The following ACSM5 variants were observed in gnomAD, a reference collection of about 807,000 sequenced individuals.
ACSM5 encodes acyl-coenzyme A synthetase ACSM5, mitochondrial.
A neutral mutation model predicts 71.6 loss-of-function variants in ACSM5; 56 were observed. The observed-to-expected ratio is 0.78, with a 90% CI of 0.63 to 0.98. ACSM5 has a LOEUF of 0.98. Among genes scored for constraint, ACSM5 ranks in the 50% least tolerant of loss-of-function variants. ACSM5 has a pLI of 0.00. For synonymous variants in ACSM5, 285 were observed against 281.5 expected, an observed-to-expected ratio of 1.01 and a Z score of -0.12; for missense variants, 723 against 726.0, an observed-to-expected ratio of 1.00 and a Z score of 0.05.
rs1273180266 is a variant in ACSM5, at chr16:20,421,652, TATATAC to T, written c.767+253_767+258del. 2.5e-4 allele frequency among the ~76,000 whole-genome samples: 23 copies of T among 91,690 alleles called. No individual in the cohort carries two copies. In the South Asian group the frequency reaches 2.9e-3, roughly 11 times the overall value. 60.2% of individuals were successfully genotyped at this position (91,690 alleles called of 152,430 possible). On this transcript the variant is annotated intron_variant, in intron 5 of 13. Transcript: ENST00000331849. Reference sequence around the variant, plus strand: ...ATATATATATATATATATATATATATATATACACACACACATATATATACATACATA... The same window carrying T: ...ATATATATATATATATATATATATATACACACACATATATATACATACATA...
intron 10 of ACSM5, among the ~76,000 whole-genome samples, chr16:20,431,949 A>AT (rs1280552370): frequency 0.033 from 4,517 of 135,928 alleles, 207 homozygotes; most frequent in East Asian, 0.075. Flanking sequence ...CGTATCAAAA[A>AT]AAAAAAATAA....
Position 20,440,459 on chromosome 16 carries a change from G to T in ACSM5, c.*32G>T, listed in dbSNP as rs765257654. On this transcript the variant is annotated 3_prime_UTR_variant, in exon 14 of 14. Transcript: ENST00000331849. ...CCCCAGGAAGGCCCCGTAGACCTCC[G>T]AAGACTCCACAAGAAACTAATGGAT... The T allele has an allele frequency of 4.4e-6, 7 of 1,574,780 alleles. No individual in the cohort carries two copies. Among genetic ancestry groups the T allele is most frequent in the African/African-American group, 4.0e-5 (3 of 74,414 alleles).
At chr16:20,425,911 T>C (rs1966969651) in intron 6 of ACSM5, among the ~76,000 whole-genome samples, 1 of 152,202 alleles carries the variant, frequency 6.6e-6, no homozygotes, top group Admixed American at 6.5e-5. Context: ...CAAGTATCTT[T>C]TTCATATGAC....
At chr16:20,440,238 G>C in intron 13 of ACSM5, 106 bp from the exon 14 acceptor site, 1 of 815,582 alleles carries the variant, frequency 1.2e-6, no homozygotes, top group East Asian at 2.7e-5. Flanking sequence ...CCCTGAATCA[G>C]GGACGCTTTC....
At chr16:20,428,239 G>A (rs771270639) in intron 7 of ACSM5, among the ~76,000 whole-genome samples, 6 of 152,202 alleles carry the variant, frequency 3.9e-5, no homozygotes, top group South Asian at 2.1e-4. Flanking sequence ...TCTGTGAGGC[G>A]AGAGAAATGA....
At chr16:20,419,607 G>A (rs553550661) in intron 4 of ACSM5, 172 bp downstream of exon 4, 2 of 643,166 alleles carry the variant, frequency 3.1e-6, no homozygotes, top group Non-Finnish European at 5.4e-6. Context: ...AATGTTCAAG[G>A]TCCCTCATTC....
Position 20,414,392 on chromosome 16 carries a change from G to T in ACSM5, c.204+2704G>T, listed in dbSNP as rs150226671. Reference sequence around the variant, plus strand: ...AGGAGATGTGACAATGAAAACAGAGGTGGGAGTGATGTGGGGCCACGATCC... The same window carrying T: ...AGGAGATGTGACAATGAAAACAGAGTTGGGAGTGATGTGGGGCCACGATCC... On this transcript the variant is annotated intron_variant, in intron 2 of 13. Transcript: ENST00000331849. Among the ~76,000 whole-genome samples the T allele has an allele frequency of 9.3e-4, 141 of 152,256 alleles. 1 individual carries two copies. The highest frequency in any genetic ancestry group is 1.3e-3 in the Admixed American group (20 of 15,292).
At chr16:20,411,737 C>G (rs774006536) in intron 2 of ACSM5, 49 bp downstream of exon 2, 2 of 1,580,884 alleles carry the variant, frequency 1.3e-6, no homozygotes, top group Non-Finnish European at 1.7e-6. Flanking sequence ...TGAGGCTGCC[C>G]TCATGTACCA....
intron 6 of ACSM5, among the ~76,000 whole-genome samples, chr16:20,425,128 C>A (rs183030374): frequency 6.6e-6 from 1 of 152,310 alleles, no homozygotes; most frequent in East Asian, 1.9e-4. Flanking sequence ...ACCATCCCCA[C>A]CTTTCTCCCA....
At chr16:20,416,933 G>A (rs541781628) in intron 2 of ACSM5, among the ~76,000 whole-genome samples, 1 of 146,582 alleles carries the variant, frequency 6.8e-6, no homozygotes, top group South Asian at 2.2e-4. Context: ...ATGGCCAATA[G>A]ACACATGAAA....
chr16:20,421,652 TATATACAC>T lies in ACSM5; in HGVS notation c.767+253_767+260del, dbSNP rs1232545811. ...ATATATATATATATATATATATATA[TATATACAC>T]ACACACATATATATACATACATACA... On this transcript the variant is annotated intron_variant, in intron 5 of 13. Coordinates refer to ENST00000331849, the MANE Select transcript of ACSM5 (RefSeq NM_017888.3). 1.8e-3 allele frequency among the ~76,000 whole-genome samples: 169 copies of T among 91,684 alleles called. 4 individuals are homozygous for T. Among genetic ancestry groups the T allele is most frequent in the African/African-American group, 7.2e-3 (164 of 22,714 alleles). The allele number at this position is 91,684 out of a possible 152,430, so 60.1% of individuals were successfully genotyped here.
At chr16:20,433,780 C>A (rs1967144616) in intron 10 of ACSM5, among the ~76,000 whole-genome samples, 1 of 151,786 alleles carries the variant, frequency 6.6e-6, no homozygotes, top group Admixed American at 6.6e-5. Context: ...CTCAGCTGAT[C>A]CTCCCACCTC....
intron 6 of ACSM5, 71 bp from the exon 7 acceptor site, chr16:20,427,717 C>A: frequency 1.0e-6 from 1 of 988,982 alleles, no homozygotes; most frequent in Middle Eastern, 2.1e-4. Flanking sequence ...TATAAAGATG[C>A]ATTTGGCTCC....
chr16:20,421,732 A>G (rs982870107), intron 5 of ACSM5, among the ~76,000 whole-genome samples: 3 of 150,490 alleles, frequency 2.0e-5, no homozygotes, highest in African/African-American at 7.3e-5. Context: ...CCTTTTAACC[A>G]TTTTAAGTGT....
At chr16:20,412,798 T>C (rs1036958608) in intron 2 of ACSM5, among the ~76,000 whole-genome samples, 19 of 152,106 alleles carry the variant, frequency 1.2e-4, no homozygotes, top group Non-Finnish European at 5.9e-5. Flanking sequence ...AAACTGGAAA[T>C]ATAAAATTTA....
intron 3 of ACSM5, among the ~76,000 whole-genome samples, chr16:20,418,905 G>A (rs896298641): frequency 1.1e-4 from 16 of 152,160 alleles, no homozygotes; most frequent in African/African-American, 3.9e-4. Context: ...ATCCCTTGCA[G>A]GAGGTTAGGG....
rs749527279 is a variant in ACSM5 at position 20,427,839 on chromosome 16, C to T, written c.973C>T (p.Arg325Trp). ...TTLCCVPTIFRLLVQEDLTRY... is the reference protein window; with the variant it reads ...TTLCCVPTIFWLLVQEDLTRY... ...CCTCTGCTGTGTCCCAACCATCTTT[C>T]GGCTGCTTGTGCAGGAGGATCTGAC... Residue 325 changes from arginine to tryptophan, a missense_variant, in exon 7 of 14, where the codon CGG becomes TGG. Coordinates refer to ENST00000331849, the MANE Select transcript of ACSM5 (RefSeq NM_017888.3). The T allele has an allele frequency of 9.9e-6, 16 of 1,613,882 alleles. No individual in the cohort carries two copies. The highest frequency in any genetic ancestry group is 4.5e-5 in the East Asian group (2 of 44,898).
intron 10 of ACSM5, among the ~76,000 whole-genome samples, chr16:20,434,856 C>G (rs560360537): frequency 6.6e-6 from 1 of 152,338 alleles, no homozygotes; most frequent in South Asian, 2.1e-4. Flanking sequence ...CAACTCTAAC[C>G]TTGTTATTCA....
intron 10 of ACSM5, among the ~76,000 whole-genome samples, chr16:20,434,434 C>G (rs1396664980): frequency 6.6e-6 from 1 of 152,194 alleles, no homozygotes; most frequent in Non-Finnish European, 1.5e-5. Context: ...TTGCTCACGA[C>G]TGTAATCCTA....
Sources: gnomAD v4.1 joint callset for allele counts (sites outside exome capture counted in the v4.1 genomes callset) on GRCh38, gnomAD v4.1.1 for gene constraint, MANE v1.5 for transcripts, NCBI Gene and HGNC (gene_info 2026-07-23, HGNC 2026-07-21) for gene names.